The following CLIC5 variants were observed in gnomAD, a reference collection of about 807,000 sequenced individuals.
CLIC5 encodes CLIC family member 5.
Under a neutral mutation model 24.7 loss-of-function variants are expected in CLIC5, and 20 were observed. That is an observed-to-expected ratio of 0.81 (90% CI 0.57 to 1.18). The LOEUF (loss-of-function observed/expected upper bound fraction) is 1.18, where lower values mean the gene tolerates loss of function less well. Among genes scored for constraint, CLIC5 ranks in the 50% most tolerant of loss-of-function variants. The pLI, the probability that CLIC5 is intolerant of heterozygous loss-of-function variation, is 0.00. For synonymous variants in CLIC5, 159 were observed against 135.6 expected (o/e 1.17, Z -1.20); for missense variants, 341 against 326.1 (o/e 1.05, Z -0.35).
intron 1 of CLIC5, among the ~76,000 whole-genome samples, chr6:45,964,539 T>C (rs1008801855): frequency 2.6e-5 from 4 of 152,194 alleles, no homozygotes; most frequent in African/African-American, 9.7e-5. Context: ...TTTGGGATGC[T>C]TGCCCCTGGA....
chr6:46,086,557 G>A, the CLIC5 span, among the ~76,000 whole-genome samples: 1 of 152,174 alleles, frequency 6.6e-6, no homozygotes. Flanking sequence ...ACAGTACTGG[G>A]CTAGACTGTG....
chr6:45,953,336 A>G (rs898971531), intron 2 of CLIC5, among the ~76,000 whole-genome samples: 1 of 152,164 alleles, frequency 6.6e-6, no homozygotes, highest in Non-Finnish European at 1.5e-5. Flanking sequence ...GGCAACATAG[A>G]CAACAGGTGC....
In CLIC5 at chr6:45,900,861, C is replaced by T. The variant is rs1040999278; in HGVS notation, c.*2227G>A. On this transcript the variant is annotated 3_prime_UTR_variant, in exon 6 of 6. Transcript: ENST00000339561. ...GGTTTGGCCTGTTTGTTTTTAAGGA[C>T]TTTCCAGTTGCTGAATTCTGAACAT... 2.0e-5 allele frequency: 3 copies of T among 152,192 alleles called. No homozygotes were observed. Among genetic ancestry groups the T allele is most frequent in the Non-Finnish European group, 4.4e-5 (3 of 68,038 alleles). The allele number at this position is 152,192 out of a possible 1,614,324, so 9.4% of individuals were successfully genotyped here.
At chr6:46,124,370 G>A in the CLIC5 span, among the ~76,000 whole-genome samples, 1 of 152,200 alleles carries the variant, frequency 6.6e-6, no homozygotes, top group African/African-American at 2.4e-5. Flanking sequence ...TGGGAAAACT[G>A]GCCAGCCATA....
chr6:46,044,679 C>G (rs945269948), intron 1 of CLIC5, among the ~76,000 whole-genome samples: 1 of 152,122 alleles, frequency 6.6e-6, no homozygotes, highest in East Asian at 1.9e-4. Flanking sequence ...ACTTCTCTAA[C>G]TAAACAGTCA....
At chr6:46,050,266 G>A (rs1043921893) in intron 1 of CLIC5, among the ~76,000 whole-genome samples, 3 of 152,200 alleles carry the variant, frequency 2.0e-5, no homozygotes, top group Non-Finnish European at 4.4e-5. Flanking sequence ...ATTCCTGCAC[G>A]TAGTACACCC....
chr6:45,902,844 T>G lies in CLIC5; in HGVS notation c.*244A>C, dbSNP rs946384672. On this transcript the variant is annotated 3_prime_UTR_variant, in exon 6 of 6. Transcript: ENST00000339561. ...TGACCCCAAACATGCTGAGCCCAGATCAGGCTGGCCGGCCGAAAGGTGGAC... is the reference window on the plus strand; with the variant it reads ...TGACCCCAAACATGCTGAGCCCAGAGCAGGCTGGCCGGCCGAAAGGTGGAC... 1 of 518,592 alleles carries G rather than the reference T, an allele frequency of 1.9e-6. No homozygotes were observed. Among genetic ancestry groups the G allele is most frequent in the Non-Finnish European group, 3.4e-6 (1 of 292,304 alleles). 32.1% of individuals were successfully genotyped at this position (518,592 alleles called of 1,614,324 possible).
intron 1 of CLIC5, among the ~76,000 whole-genome samples, chr6:45,986,408 C>A (rs1300964337): frequency 6.6e-6 from 1 of 152,194 alleles, no homozygotes; most frequent in Non-Finnish European, 1.5e-5. Flanking sequence ...GCTGTGTGAC[C>A]TCAGGCAGGT....
intron 5 of CLIC5, among the ~76,000 whole-genome samples, chr6:45,910,318 T>A (rs1463385907): frequency 1.3e-5 from 2 of 152,042 alleles, no homozygotes; most frequent in African/African-American, 2.4e-5. Context: ...CTCTAAATAA[T>A]CCTATAAGGA....
At chr6:45,969,797 T>TG (rs1491227711) in intron 1 of CLIC5, among the ~76,000 whole-genome samples, 19 of 53,956 alleles carry the variant, frequency 3.5e-4, no homozygotes, top group African/African-American at 2.0e-3. Flanking sequence ...CACATCAAGG[T>TG]TTTTTTTTTT....
chr6:45,887,121 G>C (rs996808008), intron 6 of CLIC5, among the ~76,000 whole-genome samples: 5 of 152,174 alleles, frequency 3.3e-5, no homozygotes, highest in Non-Finnish European at 7.3e-5. Flanking sequence ...TCAGGGAAGG[G>C]GCACATGCTA....
intron 4 of CLIC5, among the ~76,000 whole-genome samples, chr6:45,921,552 A>C (rs752246212): frequency 6.6e-6 from 1 of 152,136 alleles, no homozygotes; most frequent in Non-Finnish European, 1.5e-5. Context: ...TATTATTATT[A>C]CAGCTATAGA....
At chr6:45,995,925 A>G (rs1321123032) in intron 1 of CLIC5, among the ~76,000 whole-genome samples, 1 of 152,088 alleles carries the variant, frequency 6.6e-6, no homozygotes, top group Non-Finnish European at 1.5e-5. Flanking sequence ...GAACACATGG[A>G]CACAGGAAGT....
intron 1 of CLIC5, among the ~76,000 whole-genome samples, chr6:45,974,522 TAG>T (rs58729329): frequency 0.09 from 5,828 of 64,778 alleles, 108 homozygotes; most frequent in East Asian, 0.2. Flanking sequence ...TATATATATA[TAG>T]AGAGAGAGAG....
chr6:46,029,681 C>CAA (rs35345120), intron 1 of CLIC5, among the ~76,000 whole-genome samples: 115 of 148,060 alleles, frequency 7.8e-4, no homozygotes, highest in African/African-American at 2.7e-3. Context: ...CATCTTCTTA[C>CAA]AAAAAAAAAA....
intron 1 of CLIC5, among the ~76,000 whole-genome samples, chr6:45,978,547 AG>A (rs1233629995): frequency 6.6e-6 from 1 of 152,250 alleles, no homozygotes; most frequent in Non-Finnish European, 1.5e-5. Context: ...GTTAAAACAC[AG>A]TAGGTCCAGG....
At chr6:45,895,935 C>T (rs571339786), downstream of CLIC5, among the ~76,000 whole-genome samples, 2 of 152,258 alleles carry the variant, frequency 1.3e-5, no homozygotes, top group African/African-American at 4.8e-5. Flanking sequence ...GTGTTTGGGG[C>T]ATTGAGATAT....
chr6:45,957,279 G>A (rs4711835), intron 1 of CLIC5, among the ~76,000 whole-genome samples: 127,953 of 152,110 alleles, frequency 0.84, 54,436 homozygotes, highest in Non-Finnish European at 0.9. Flanking sequence ...TATATTGTCA[G>A]GCATTGTTCT....
At chr6:46,037,996 T>C (rs914329604) in intron 1 of CLIC5, among the ~76,000 whole-genome samples, 5 of 152,112 alleles carry the variant, frequency 3.3e-5, no homozygotes, top group African/African-American at 1.2e-4. Context: ...GGCCTTCAGA[T>C]AGAGCCTGGG....
Sources: gnomAD v4.1 joint callset for allele counts (sites outside exome capture counted in the v4.1 genomes callset) on GRCh38, gnomAD v4.1.1 for gene constraint, MANE v1.5 for transcripts, NCBI Gene and HGNC (gene_info 2026-07-23, HGNC 2026-07-21) for gene names.